TP63: variants seen among roughly 807,000 people sequenced by gnomAD.
TP63 encodes tumor protein p63, also known as tumor protein 63.
A neutral mutation model predicts 82.8 loss-of-function variants in TP63; 17 were observed. The ratio of observed to expected loss-of-function variants is 0.21; its 90% confidence interval spans 0.14 to 0.31. TP63 has a LOEUF of 0.31. Among genes scored for constraint, TP63 ranks in the 10% least tolerant of loss-of-function variants. The pLI is 1.00. For missense variants in TP63, 648 were observed against 895.3 expected, an observed-to-expected ratio of 0.72 and a Z score of 3.52; for synonymous variants, 330 against 321.7, an observed-to-expected ratio of 1.03 and a Z score of -0.28.
intron 1 of TP63, among the ~76,000 whole-genome samples, chr3:189,639,087 T>A (rs1711576804): frequency 6.6e-6 from 1 of 152,188 alleles, no homozygotes; most frequent in Non-Finnish European, 1.5e-5. Flanking sequence ...AAGTTTCTGA[T>A]TAGCTATTTT....
At chr3:189,821,430 G>A (rs965083567) in intron 4 of TP63, among the ~76,000 whole-genome samples, 1 of 152,164 alleles carries the variant, frequency 6.6e-6, no homozygotes, top group African/African-American at 2.4e-5. Context: ...GAAAGAAATG[G>A]CCACAGCTAC....
At position 189,649,565 on chromosome 3, in the gene TP63, G is replaced by T. The variant is rs899133135; in HGVS notation, c.62+17988G>T. ...GGATGATGAAATAATATTTACAGCA[G>T]AGCCCTGTGACATGAGTCTACCTAT... On this transcript the variant is annotated intron_variant, in intron 1 of 13. Transcript: ENST00000264731. Among the ~76,000 whole-genome samples, 5 of 146,790 alleles carry T rather than the reference G, an allele frequency of 3.4e-5. 1 individual carries two copies. The highest frequency in any genetic ancestry group is 3.4e-4 in the Admixed American group (5 of 14,922).
Position 189,808,437 on chromosome 3 carries a change from G to A in TP63, c.490G>A (p.Ala164Thr), listed in dbSNP as rs765564666. Residue 164 changes from alanine to threonine, a missense_variant, in exon 4 of 14, where the codon GCC becomes ACC. Ala to Thr is a moderately conservative substitution (Grantham distance 58). Coordinates refer to ENST00000264731, the MANE Select transcript of TP63 (RefSeq NM_003722.5). ...CTTCGATGCTCTCTCTCCATCACCCGCCATCCCCTCCAACACCGACTACCC... is the reference window on the plus strand; with the variant it reads ...CTTCGATGCTCTCTCTCCATCACCCACCATCCCCTCCAACACCGACTACCC... ...STFDALSPSP[A>T]IPSNTDYPGP... The A allele has an allele frequency of 3.7e-6, 6 of 1,614,032 alleles. No homozygotes were observed. In the South Asian group the frequency reaches 4.4e-5, roughly 12 times the overall value.
the TP63 span, among the ~76,000 whole-genome samples, chr3:189,621,690 G>C: frequency 2.0e-5 from 3 of 151,836 alleles, no homozygotes; most frequent in East Asian, 5.8e-4. Flanking sequence ...TGTATACTCA[G>C]GGTCTTGATC....
intron 4 of TP63, among the ~76,000 whole-genome samples, chr3:189,832,507 TA>T (rs991992439): frequency 2.6e-5 from 4 of 152,258 alleles, no homozygotes; most frequent in East Asian, 3.9e-4. Flanking sequence ...AAGGGTAAAA[TA>T]AAAGGCTCTT....
chr3:189,861,384 A>G (rs1168912552), intron 4 of TP63, among the ~76,000 whole-genome samples: 3 of 149,284 alleles, frequency 2.0e-5, no homozygotes, highest in Admixed American at 2.0e-4. Flanking sequence ...TGTTTGAAGC[A>G]TTAAAACGTT....
intron 4 of TP63, 44 bp from the exon 5 acceptor site, chr3:189,864,188 T>C (rs1180218994): frequency 3.7e-6 from 6 of 1,611,804 alleles, no homozygotes. Context: ...ATATCTCCTG[T>C]TGGTTCTCTC....
intron 3 of TP63, among the ~76,000 whole-genome samples, chr3:189,767,004 G>T (rs567123487): frequency 1.3e-5 from 2 of 152,182 alleles, no homozygotes; most frequent in South Asian, 4.2e-4. Flanking sequence ...TTCTTGGCTG[G>T]CACTTTAAAT....
In TP63 at chr3:189,868,082, G is replaced by T. The variant is rs551434855; in HGVS notation, c.992+140G>T. 9 of 767,150 alleles carry T rather than the reference G, an allele frequency of 1.2e-5. No individual in the cohort carries two copies. In the Admixed American group the frequency reaches 1.4e-4, roughly 12 times the overall value. The allele number at this position is 767,150 out of a possible 1,614,324, so 47.5% of individuals were successfully genotyped here. A position where few individuals can be genotyped will look rare whatever the true frequency, so the allele number is the denominator to read the frequency against. The stretch of plus-strand genomic sequence containing the variant: ...TGTGCTCTAAATCCTTGCTACAAAC[G>T]GTTACATAAAAGATCTAAGAAAGTG... On this transcript the variant is annotated intron_variant, in intron 7 of 13. Transcript: ENST00000264731.
At chr3:189,652,316 C>G (rs1041027884) in intron 1 of TP63, among the ~76,000 whole-genome samples, 1 of 146,828 alleles carries the variant, frequency 6.8e-6, no homozygotes, top group African/African-American at 2.6e-5. Flanking sequence ...GACATAAAGT[C>G]AAGGAGATCA....
At chr3:189,613,308 A>G in the TP63 span, among the ~76,000 whole-genome samples, 5 of 152,224 alleles carry the variant, frequency 3.3e-5, no homozygotes, top group Admixed American at 2.0e-4. Flanking sequence ...AAAGGGGCCA[A>G]CACACACCTT....
chr3:189,804,531 GTTC>G (rs1726673230), intron 3 of TP63, among the ~76,000 whole-genome samples: 1 of 152,184 alleles, frequency 6.6e-6, no homozygotes, highest in Non-Finnish European at 1.5e-5. Context: ...GGTGACACTT[GTTC>G]TTCTTGACTA....
intron 1 of TP63, among the ~76,000 whole-genome samples, chr3:189,673,398 T>A (rs2108677590): frequency 6.6e-6 from 1 of 152,120 alleles, no homozygotes; most frequent in African/African-American, 2.4e-5. Context: ...GTTAGGACAA[T>A]AAACCTAAAT....
rs1712696386 is a variant in TP63 at position 189,649,420 on chromosome 3, G to A, written c.62+17843G>A. Among the ~76,000 whole-genome samples, 3 of 146,802 alleles carry A rather than the reference G, an allele frequency of 2.0e-5. 1 individual carries two copies. The highest frequency in any genetic ancestry group is 4.5e-5 in the Non-Finnish European group (3 of 67,214). ...TTTCACTCATAAGTGGAAACTAAAT[G>A]ATGAGAACGCGTGGACACAGAAATG... On this transcript the variant is annotated intron_variant, in intron 1 of 13. Transcript: ENST00000264731.
chr3:189,678,907 G>A (rs1715673932), intron 1 of TP63, among the ~76,000 whole-genome samples: 1 of 151,890 alleles, frequency 6.6e-6, no homozygotes, highest in African/African-American at 2.4e-5. Flanking sequence ...TAGTTTGGTT[G>A]TTATTGATGT....
At chr3:189,822,508 G>A (rs11717319) in intron 4 of TP63, among the ~76,000 whole-genome samples, 51,970 of 151,898 alleles carry the variant, frequency 0.34, 9,162 homozygotes, top group East Asian at 0.51. Flanking sequence ...TTCAATATAG[G>A]TATTTCTTCC....
chr3:189,676,063 A>G (rs1715369536), intron 1 of TP63, among the ~76,000 whole-genome samples: 1 of 152,188 alleles, frequency 6.6e-6, no homozygotes. Flanking sequence ...TTTATATTGT[A>G]TAACATTATG....
chr3:189,676,927 C>T (rs570703976), intron 1 of TP63, among the ~76,000 whole-genome samples: 5 of 152,000 alleles, frequency 3.3e-5, no homozygotes, highest in Non-Finnish European at 7.4e-5. Flanking sequence ...AAGGTTTGGA[C>T]TCCTGGTATA....
the TP63 span, among the ~76,000 whole-genome samples, chr3:189,614,672 G>A: frequency 2.6e-5 from 4 of 151,974 alleles, no homozygotes; most frequent in South Asian, 2.1e-4. Context: ...TACTGGATTC[G>A]GGACAGAGGC....
Sources: allele counts gnomAD v4.1 joint callset (sites outside exome capture counted in the v4.1 genomes callset), GRCh38; gene constraint gnomAD v4.1.1; transcripts MANE v1.5; gene names NCBI Gene and HGNC (gene_info 2026-07-23, HGNC 2026-07-21).